CNTN1: variants seen among roughly 807,000 people sequenced by gnomAD.
The protein encoded by CNTN1 is contactin-1.
In CNTN1, 38 loss-of-function variants were observed where a neutral mutation model predicts 126.4. The ratio of observed to expected loss-of-function variants is 0.30; its 90% CI spans 0.23 to 0.39. The LOEUF is 0.39. CNTN1 is among the 10% of genes least tolerant of loss of function. The pLI is 1.00. For missense variants in CNTN1, 1,009 were observed against 1,248.4 expected, an observed-to-expected ratio of 0.81 and a Z score of 2.89; for synonymous variants, 413 against 422.6, an observed-to-expected ratio of 0.98 and a Z score of 0.28.
At position 41,057,093 on chromosome 12, in the gene CNTN1, AATATTTAGATATTTATAAATATT is replaced by A. The variant is rs1403513833; in HGVS notation, c.2981-12818_2981-12796del. ...TATTTAGATATTTATAAATATTATA[AATATTTAGATATTTATAAATATT>A]ATATTTAGATATTTATAAATATTAT... On this transcript the variant is annotated intron_variant, in intron 23 of 23. Coordinates refer to ENST00000551295, the MANE Select transcript of CNTN1 (RefSeq NM_001843.4). 3.0e-3 allele frequency among the ~76,000 whole-genome samples: 368 copies of A among 123,712 alleles called. 4 individuals are homozygous for A. The highest frequency in any genetic ancestry group is 9.2e-3 in the African/African-American group (304 of 33,112). The allele number at this position is 123,712 out of a possible 152,430, so 81.2% of individuals were successfully genotyped here.
rs764821950 is a variant in CNTN1, at chr12:40,955,472, T to G, written c.1684-3642T>G. Among the ~76,000 whole-genome samples the G allele has an allele frequency of 2.0e-5, 3 of 152,244 alleles. No homozygotes were observed. The East Asian group carries it at 5.8e-4, about 30-fold the overall frequency. ...TTGAAATATATCATTCCTGGTAGTT[T>G]ATCTCATAGATATGGATAGCAATAG... On this transcript the variant is annotated intron_variant, in intron 14 of 23. Coordinates refer to ENST00000551295, the MANE Select transcript of CNTN1 (RefSeq NM_001843.4).
chr12:41,028,443 T>C (rs1566174397), intron 22 of CNTN1, among the ~76,000 whole-genome samples: 2 of 152,192 alleles, frequency 1.3e-5, no homozygotes, highest in Non-Finnish European at 2.9e-5. Context: ...CAGCAAAATG[T>C]TATGTCAAAA....
At chr12:40,701,874 C>A (rs1034492431) in intron 1 of CNTN1, among the ~76,000 whole-genome samples, 1 of 152,092 alleles carries the variant, frequency 6.6e-6, no homozygotes, top group South Asian at 2.1e-4. Context: ...ATACAGAAAA[C>A]ATTTGGCCCA....
intron 4 of CNTN1, among the ~76,000 whole-genome samples, chr12:40,920,525 G>GA (rs766050145): frequency 5.1e-4 from 77 of 151,604 alleles, no homozygotes; most frequent in African/African-American, 1.7e-3. Flanking sequence ...GGAAAGAACA[G>GA]AAAAAAAATC....
rs1421471698 is a variant in CNTN1, at chr12:40,916,169, C to T, written c.95-2470C>T. 2.0e-5 allele frequency among the ~76,000 whole-genome samples: 3 copies of T among 152,032 alleles called. No homozygotes were observed. The East Asian group carries it at 5.8e-4, about 29-fold the overall frequency. ...GTTTTAAAATAATTCACACTAAAGT[C>T]ATTATTTATCAAGGATTATAGTGGG... On this transcript the variant is annotated intron_variant, in intron 3 of 23. Transcript: ENST00000551295.
chr12:40,909,862 G>A (rs139603659), intron 2 of CNTN1, among the ~76,000 whole-genome samples: 19 of 151,792 alleles, frequency 1.3e-4, no homozygotes, highest in Admixed American at 7.9e-4. Context: ...AAATTCATAC[G>A]AATTCTATTG....
At chr12:41,050,462 A>G (rs890774615) in intron 23 of CNTN1, among the ~76,000 whole-genome samples, 1 of 152,164 alleles carries the variant, frequency 6.6e-6, no homozygotes, top group Non-Finnish European at 1.5e-5. Flanking sequence ...GGGAAGTGCT[A>G]CACACTTTTA....
chr12:41,030,043 A>G (rs548789516), intron 23 of CNTN1, among the ~76,000 whole-genome samples: 1 of 152,170 alleles, frequency 6.6e-6, no homozygotes, highest in East Asian at 1.9e-4. Context: ...ACATTACCAG[A>G]AGATCCTAGA....
chr12:40,821,766 T>C (rs1343510212), intron 1 of CNTN1, among the ~76,000 whole-genome samples: 1 of 152,062 alleles, frequency 6.6e-6, no homozygotes, highest in Non-Finnish European at 1.5e-5. Flanking sequence ...ATCTCTTTCT[T>C]AATGATTGGA....
chr12:40,829,571 G>A (rs566314632), intron 1 of CNTN1, among the ~76,000 whole-genome samples: 3 of 152,046 alleles, frequency 2.0e-5, no homozygotes, highest in African/African-American at 4.8e-5. Flanking sequence ...TACATTTTAT[G>A]CATTTCAATT....
intron 1 of CNTN1, among the ~76,000 whole-genome samples, chr12:40,830,601 C>A (rs769375751): frequency 1.3e-5 from 2 of 150,266 alleles, no homozygotes; most frequent in Non-Finnish European, 3.0e-5. Flanking sequence ...TTTATAATTT[C>A]TTTAAAAATA....
chr12:40,947,800 C>T (rs368312460), intron 14 of CNTN1, among the ~76,000 whole-genome samples: 7,935 of 145,576 alleles, frequency 0.055, 564 homozygotes, highest in Admixed American at 0.15. Flanking sequence ...CACACACACA[C>T]ACACACACAC....
intron 1 of CNTN1, among the ~76,000 whole-genome samples, chr12:40,822,996 G>A (rs1231617131): frequency 6.6e-6 from 1 of 152,048 alleles, no homozygotes; most frequent in Non-Finnish European, 1.5e-5. Context: ...TGAGAATATA[G>A]CATATTCTTT....
chr12:41,011,444 C>G (rs563922429), intron 17 of CNTN1, among the ~76,000 whole-genome samples: 25 of 152,198 alleles, frequency 1.6e-4, no homozygotes, highest in Admixed American at 2.6e-4. Context: ...AAAAAGGCAT[C>G]CCTTTAGTCT....
chr12:40,722,895 A>AT (rs546389467), intron 1 of CNTN1, among the ~76,000 whole-genome samples: 12 of 151,968 alleles, frequency 7.9e-5, no homozygotes, highest in Admixed American at 2.6e-4. Flanking sequence ...CAACAAATGC[A>AT]TTTTTTTTCC....
chr12:40,916,057 A>T (rs1945230510), intron 3 of CNTN1, among the ~76,000 whole-genome samples: 1 of 152,140 alleles, frequency 6.6e-6, no homozygotes, highest in Admixed American at 6.6e-5. Context: ...CGAAGTACTT[A>T]GAAGATCTTT....
In CNTN1 at chr12:40,998,964, CAT is replaced by C. The variant is rs554771857; in HGVS notation, c.2113+5699_2113+5700del. 1.9e-3 allele frequency among the ~76,000 whole-genome samples: 290 copies of C among 152,226 alleles called. 1 individual carries two copies. The highest frequency in any genetic ancestry group is 6.5e-3 in the African/African-American group (271 of 41,572). On this transcript the variant is annotated intron_variant, in intron 17 of 23. Coordinates refer to ENST00000551295, the MANE Select transcript of CNTN1 (RefSeq NM_001843.4). ...ATGTTTTCAATCAAGAGCTTATCTTCATATACTTTATAATTTTTATAATTTAG... is the reference window on the plus strand; with the variant it reads ...ATGTTTTCAATCAAGAGCTTATCTTCATACTTTATAATTTTTATAATTTAG...
intron 1 of CNTN1, among the ~76,000 whole-genome samples, chr12:40,804,158 T>C (rs1940756918): frequency 6.6e-6 from 1 of 152,132 alleles, no homozygotes; most frequent in South Asian, 2.1e-4. Flanking sequence ...GGAAGTTACA[T>C]AGAACAAAAG....
intron 23 of CNTN1, among the ~76,000 whole-genome samples, chr12:41,059,066 T>C (rs530142322): frequency 6.6e-6 from 1 of 152,134 alleles, no homozygotes; most frequent in East Asian, 1.9e-4. Context: ...TGAAATAAGG[T>C]CCCAAGATCT....
Sources: allele counts gnomAD v4.1 joint callset (sites outside exome capture counted in the v4.1 genomes callset), GRCh38; gene constraint gnomAD v4.1.1; transcripts MANE v1.5; gene names NCBI Gene and HGNC (gene_info 2026-07-23, HGNC 2026-07-21).